The following TMEM184B variants were observed in gnomAD, a reference collection of about 807,000 sequenced individuals.
TMEM184B encodes transmembrane protein 184B.
A neutral mutation model predicts 41.8 loss-of-function variants in TMEM184B; 17 were observed. That is an observed-to-expected ratio of 0.41 (90% confidence interval 0.28 to 0.61). The LOEUF (loss-of-function observed/expected upper bound fraction) is 0.61. TMEM184B is among the 20% of genes least tolerant of loss of function. TMEM184B has a pLI of 0.34. For missense variants in TMEM184B, 393 were observed against 557.8 expected (o/e 0.70, Z 2.98); for synonymous variants, 240 against 229.5 (o/e 1.05, Z -0.41).
At chr22:38,264,286 C>A (rs1408287407) in intron 1 of TMEM184B, among the ~76,000 whole-genome samples, 1 of 152,196 alleles carries the variant, frequency 6.6e-6, no homozygotes, top group Non-Finnish European at 1.5e-5. Flanking sequence ...GGCCCCTTGA[C>A]CCTTCTCAGG....
chr22:38,241,099 G>C (rs2091895934), intron 3 of TMEM184B, among the ~76,000 whole-genome samples: 2 of 152,178 alleles, frequency 1.3e-5, no homozygotes, highest in Non-Finnish European at 2.9e-5. Flanking sequence ...GGCTTATGGT[G>C]AATGAAAGAG....
chr22:38,230,136 G>A (rs2091565233), intron 5 of TMEM184B, among the ~76,000 whole-genome samples: 1 of 113,830 alleles, frequency 8.8e-6, no homozygotes, highest in Admixed American at 8.5e-5. Context: ...GGATTGCCAA[G>A]GCTACTCTAG....
chr22:38,265,740 C>T (rs1163760274), intron 1 of TMEM184B, among the ~76,000 whole-genome samples: 1 of 152,222 alleles, frequency 6.6e-6, no homozygotes, highest in East Asian at 1.9e-4. Context: ...ATCATTGTGC[C>T]TCGCAGGCAC....
At chr22:38,241,906 A>AAAAAAAAAAAAAAAAAAC in intron 3 of TMEM184B, among the ~76,000 whole-genome samples, 2 of 150,252 alleles carry the variant, frequency 1.3e-5, no homozygotes. Flanking sequence ...AAAAAAAAAA[A>AAAAAAAAAAAAAAAAAAC]AGAACGAGAC....
chr22:38,227,744 C>T (rs11914050), intron 5 of TMEM184B, among the ~76,000 whole-genome samples: 1 of 152,070 alleles, frequency 6.6e-6, no homozygotes, highest in African/African-American at 2.4e-5. Flanking sequence ...GCCACTGCTG[C>T]GGGGATGGCA....
downstream of TMEM184B, among the ~76,000 whole-genome samples, chr22:38,218,257 G>A (rs771855496): frequency 6.6e-5 from 10 of 152,246 alleles, no homozygotes; most frequent in South Asian, 2.1e-4. Context: ...AGCCCTTCTG[G>A]GGCACCCTGA....
intron 5 of TMEM184B, 92 bp downstream of exon 5, chr22:38,230,577 A>G (rs2091584890): frequency 3.8e-6 from 5 of 1,314,948 alleles, no homozygotes; most frequent in South Asian, 1.3e-5. Context: ...AGGAAAGGGG[A>G]CCTCTAAGGT....
intron 1 of TMEM184B, among the ~76,000 whole-genome samples, chr22:38,266,946 C>T (rs539274728): frequency 1.2e-4 from 18 of 151,920 alleles, no homozygotes; most frequent in East Asian, 3.9e-4. Context: ...AGCCGGGCGC[C>T]GTGGCAGGTG....
downstream of TMEM184B, among the ~76,000 whole-genome samples, chr22:38,217,334 A>G (rs1363463273): frequency 1.1e-5 from 1 of 87,352 alleles, no homozygotes; most frequent in Middle Eastern, 5.3e-3. Context: ...AATACAAAAA[A>G]CAACAACAAC....
At chr22:38,250,165 G>A (rs1010963282) in intron 1 of TMEM184B, among the ~76,000 whole-genome samples, 1 of 152,246 alleles carries the variant, frequency 6.6e-6, no homozygotes, top group Non-Finnish European at 1.5e-5. Context: ...GTTTCCCTGG[G>A]CCTTCCTGGG....
At chr22:38,252,424 T>C (rs906009826) in intron 1 of TMEM184B, among the ~76,000 whole-genome samples, 1 of 152,226 alleles carries the variant, frequency 6.6e-6, no homozygotes, top group Non-Finnish European at 1.5e-5. Flanking sequence ...AGGGCCCTGA[T>C]GGAAGATGCT....
intron 1 of TMEM184B, among the ~76,000 whole-genome samples, chr22:38,254,869 T>C (rs2092247634): frequency 7.2e-6 from 1 of 139,322 alleles, no homozygotes; most frequent in Non-Finnish European, 1.6e-5. Flanking sequence ...TTTTTTTTTT[T>C]GAGACAGAGC....
At chr22:38,271,051 C>A (rs1877801004) in intron 1 of TMEM184B, among the ~76,000 whole-genome samples, 1 of 152,190 alleles carries the variant, frequency 6.6e-6, no homozygotes, top group Admixed American at 6.5e-5. Context: ...CTTTGAATAA[C>A]CCACCACCAC....
intron 3 of TMEM184B, 52 bp downstream of exon 3, chr22:38,245,883 T>TACCCCC: frequency 1.4e-5 from 18 of 1,288,702 alleles, no homozygotes; most frequent in African/African-American, 2.9e-5. Context: ...GGACAGGGGC[T>TACCCCC]CCCAGCCCCC....
intron 3 of TMEM184B, among the ~76,000 whole-genome samples, chr22:38,243,985 G>A (rs1418571273): frequency 6.6e-6 from 1 of 152,090 alleles, no homozygotes; most frequent in Non-Finnish European, 1.5e-5. Context: ...ATGGAAAGGA[G>A]GGACCCCACG....
At chr22:38,241,459 G>A (rs1312114640) in intron 3 of TMEM184B, among the ~76,000 whole-genome samples, 2 of 149,532 alleles carry the variant, frequency 1.3e-5, no homozygotes, top group African/African-American at 2.5e-5. Flanking sequence ...AGGTCGAGGC[G>A]CAAGGATCAT....
At chr22:38,258,092 C>T (rs1469111003) in intron 1 of TMEM184B, among the ~76,000 whole-genome samples, 1 of 152,144 alleles carries the variant, frequency 6.6e-6, no homozygotes, top group Admixed American at 6.6e-5. Context: ...CAGCAGGTGG[C>T]AAAGAGGCCA....
rs749910033 is a variant in TMEM184B, at chr22:38,225,642, G to C, written c.618-49C>G. The C allele has an allele frequency of 2.6e-6, 4 of 1,561,022 alleles. No homozygotes were observed. In the African/African-American group the frequency reaches 5.6e-5, roughly 22 times the overall value. ...GGCTGGGACAGACCCTTGGAGGGAA[G>C]GGGCTCTCCTCGACTGCACCACACA... is the stretch of plus-strand genomic sequence containing the variant. On this transcript the variant is annotated intron_variant, in intron 6 of 8. Transcript: ENST00000361906. The surrounding 1 kb of genome is among the most constrained non-coding windows in gnomAD (Gnocchi z 4.4).
intron 3 of TMEM184B, among the ~76,000 whole-genome samples, chr22:38,234,344 C>G (rs1602399708): frequency 6.6e-6 from 1 of 152,264 alleles, no homozygotes; most frequent in East Asian, 1.9e-4. Context: ...GGAACCGAGG[C>G]CTTCAGCTGA....
Sources: allele counts gnomAD v4.1 joint callset (sites outside exome capture counted in the v4.1 genomes callset), GRCh38; gene constraint gnomAD v4.1.1; non-coding constraint Gnocchi (gnomAD v3.1); transcripts MANE v1.5; gene names NCBI Gene and HGNC (gene_info 2026-07-23, HGNC 2026-07-21).